FLNB: variants seen among roughly 807,000 people sequenced by gnomAD.
FLNB encodes filamin-B.
Under a neutral mutation model 250.6 loss-of-function variants are expected in FLNB, and 111 were observed. That is an observed-to-expected ratio of 0.44 (90% CI 0.38 to 0.52). The LOEUF (loss-of-function observed/expected upper bound fraction) is 0.52, where lower values mean the gene tolerates loss of function less well. FLNB is among the 20% of genes least tolerant of loss of function. The probability of loss-of-function intolerance (pLI) is 0.00; values close to 1 mark genes in which losing one functional copy is unlikely to be tolerated. For missense variants in FLNB, 2,869 were observed against 3,447.8 expected, an observed-to-expected ratio of 0.83 and a Z score of 4.20; for synonymous variants, 1,302 against 1,372.1, an observed-to-expected ratio of 0.95 and a Z score of 1.13.
intron 1 of FLNB, among the ~76,000 whole-genome samples, chr3:58,059,194 G>T (rs1017276720): frequency 6.6e-6 from 1 of 152,136 alleles, no homozygotes; most frequent in African/African-American, 2.4e-5. Context: ...CTAAGAGGTG[G>T]TACTGAAGAT....
At chr3:58,050,020 CCTTTTTTTTTTTTTTTTT>C (rs2097159865) in intron 1 of FLNB, among the ~76,000 whole-genome samples, 1 of 112,628 alleles carries the variant, frequency 8.9e-6, no homozygotes, top group African/African-American at 3.5e-5. Context: ...ATAGAAAATG[CCTTTTTTTTTTTTTTTTT>C]CTTTTTTTTT....
chr3:58,154,976 A>G (rs775909531), intron 40 of FLNB, 48 bp downstream of exon 40: 3 of 1,590,888 alleles, frequency 1.9e-6, no homozygotes, highest in Non-Finnish European at 1.7e-6. Context: ...TTTGAACATG[A>G]TTAGGTTGCA....
At chr3:58,104,701 A>T (rs898053114) in intron 10 of FLNB, among the ~76,000 whole-genome samples, 2 of 152,136 alleles carry the variant, frequency 1.3e-5, no homozygotes, top group East Asian at 3.9e-4. Context: ...CATGTATGAG[A>T]TAAAGCCCAT....
rs144611618 is a variant in FLNB, at chr3:58,080,734, C to G, written c.640-895C>G. On this transcript the variant is annotated intron_variant, in intron 3 of 45. Coordinates refer to ENST00000295956, the MANE Select transcript of FLNB (RefSeq NM_001457.4). ...GTCTTGAACTCCTGACCTCGTGATC[C>G]ACCCACCTCGGCCTCCCAAAGTGCT... Among the ~76,000 whole-genome samples, 882 of 145,410 alleles carry G rather than the reference C, an allele frequency of 6.1e-3. 41 individuals are homozygous for G. In the East Asian group the frequency reaches 0.14, roughly 23 times the overall value.
chr3:58,145,801 A>C, intron 32 of FLNB, 120 bp from the exon 33 acceptor site: 1 of 1,209,500 alleles, frequency 8.3e-7, no homozygotes, highest in South Asian at 1.2e-5. Context: ...CTGTCTCTTC[A>C]TGCCTCTGCT....
intron 1 of FLNB, among the ~76,000 whole-genome samples, chr3:58,022,377 CA>C (rs1362354239): frequency 2.6e-5 from 4 of 152,146 alleles, no homozygotes; most frequent in African/African-American, 9.7e-5. Flanking sequence ...CCCAGTGGAA[CA>C]CTTCGTTTTT....
At chr3:58,044,436 A>AAAAC (rs55929512) in intron 1 of FLNB, among the ~76,000 whole-genome samples, 48,782 of 150,856 alleles carry the variant, frequency 0.32, 9,297 homozygotes, top group East Asian at 0.93. Flanking sequence ...GTCTCTACAA[A>AAAAC]AAACAAACAA....
chr3:58,114,181 C>A (rs908600050), intron 18 of FLNB, among the ~76,000 whole-genome samples: 8 of 152,198 alleles, frequency 5.3e-5, no homozygotes, highest in African/African-American at 1.9e-4. Context: ...TCTCGGCTCA[C>A]TGCAACCTCT....
At chr3:58,058,104 T>G (rs9824706) in intron 1 of FLNB, among the ~76,000 whole-genome samples, 3 of 152,174 alleles carry the variant, frequency 2.0e-5, no homozygotes, top group Admixed American at 6.5e-5. Flanking sequence ...AGTGGATTTT[T>G]TTAGCACTCA....
At chr3:58,079,785 A>G (rs989342279) in intron 3 of FLNB, among the ~76,000 whole-genome samples, 2 of 152,208 alleles carry the variant, frequency 1.3e-5, no homozygotes, top group Admixed American at 6.5e-5. Flanking sequence ...GTTAGGCACC[A>G]TGAGTCCCGT....
chr3:58,069,206 T>G, intron 1 of FLNB, among the ~76,000 whole-genome samples: 1 of 149,446 alleles, frequency 6.7e-6, no homozygotes, highest in Admixed American at 6.7e-5. Context: ...TTCAGGGAGG[T>G]CTGATAAAAT....
chr3:58,121,127 C>T (rs2107166317), intron 19 of FLNB, 114 bp from the exon 20 acceptor site: 1 of 1,332,322 alleles, frequency 7.5e-7, no homozygotes, highest in South Asian at 1.2e-5. Flanking sequence ...CTGTTGCTTA[C>T]AGTGGAGGCT....
intron 12 of FLNB, among the ~76,000 whole-genome samples, chr3:58,108,215 C>G (rs114667821): frequency 6.6e-6 from 1 of 152,178 alleles, no homozygotes; most frequent in Non-Finnish European, 1.5e-5. Flanking sequence ...GGGCCGCATG[C>G]GGGCTTCAGG....
intron 41 of FLNB, among the ~76,000 whole-genome samples, chr3:58,157,189 C>T (rs2097354683): frequency 6.6e-6 from 1 of 152,142 alleles, no homozygotes; most frequent in Non-Finnish European, 1.5e-5. Context: ...GGTTTTTGCC[C>T]AGGACACTGA....
intron 1 of FLNB, among the ~76,000 whole-genome samples, chr3:58,070,049 C>CTT (rs10639474): frequency 0.012 from 1,589 of 134,968 alleles, 23 homozygotes; most frequent in African/African-American, 0.016. Flanking sequence ...CTCTTTCTTT[C>CTT]TTTTTTTTTT....
chr3:58,070,213 AATT>A (rs1480461449), intron 1 of FLNB, among the ~76,000 whole-genome samples: 4 of 151,738 alleles, frequency 2.6e-5, no homozygotes, highest in Non-Finnish European at 5.9e-5. Flanking sequence ...ATGCCCTGCT[AATT>A]TTATTTTTAG....
chr3:58,123,216 A>C lies in FLNB; in HGVS notation c.3250A>C (p.Lys1084Gln), dbSNP rs755413665. The change falls in exon 21 of 46, where the codon AAA (lysine) becomes CAA (glutamine). Residue 1084 changes from lysine (K) to glutamine (Q), a missense_variant. Around this residue, in one of 5 missense-constraint regions of FLNB, gnomAD observed 1,348 missense variants for 1,466.7 expected, o/e 0.92. Coordinates refer to ENST00000295956, the MANE Select transcript of FLNB (RefSeq NM_001457.4). ...AACGGTGGAAGGTCCGTGCGAGGCCAAAATCGAGTGCTCCGACAATGGTGA... is the reference window on the plus strand; with the variant it reads ...AACGGTGGAAGGTCCGTGCGAGGCCCAAATCGAGTGCTCCGACAATGGTGA... ...GLTVEGPCEA[K>Q]IECSDNGDGT... 6.2e-7 allele frequency: 1 copy of C among 1,614,016 alleles called. No individual in the cohort carries two copies. Among genetic ancestry groups the C allele is most frequent in the Admixed American group, 1.7e-5 (1 of 60,010 alleles).
At chr3:58,041,529 A>G (rs1197326786) in intron 1 of FLNB, among the ~76,000 whole-genome samples, 1 of 151,998 alleles carries the variant, frequency 6.6e-6, no homozygotes, top group African/African-American at 2.4e-5. Flanking sequence ...CCCACCAACC[A>G]CCACCACCAC....
chr3:58,138,928 G>A (rs557115610), intron 29 of FLNB, among the ~76,000 whole-genome samples: 107 of 152,300 alleles, frequency 7.0e-4, no homozygotes, highest in African/African-American at 2.5e-3. Context: ...GGAGGAGAGA[G>A]CTTCCTGATG....
Sources: gnomAD v4.1 joint callset for allele counts (sites outside exome capture counted in the v4.1 genomes callset) on GRCh38, gnomAD v4.1.1 for gene constraint, gnomAD v4.1.1 regional missense constraint, MANE v1.5 for transcripts, NCBI Gene and HGNC (gene_info 2026-07-23, HGNC 2026-07-21) for gene names.